The following AGPS variants were observed in gnomAD, a reference collection of about 807,000 sequenced individuals.
AGPS encodes the protein alkyldihydroxyacetonephosphate synthase, peroxisomal.
A neutral mutation model predicts 90.7 loss-of-function variants in AGPS; 26 were observed. The observed-to-expected ratio is 0.29, with a 90% CI of 0.21 to 0.40. AGPS has a LOEUF of 0.40. Among genes scored for constraint, AGPS ranks in the 10% least tolerant of loss-of-function variants. The pLI, the probability that AGPS is intolerant of heterozygous loss-of-function variation, is 1.00. For missense variants in AGPS, 540 were observed against 816.1 expected (o/e 0.66, Z 4.12); for synonymous variants, 294 against 285.3 (o/e 1.03, Z -0.31).
chr2:177,458,609 A>G (rs1687191409), intron 8 of AGPS, among the ~76,000 whole-genome samples: 1 of 152,186 alleles, frequency 6.6e-6, no homozygotes, highest in African/African-American at 2.4e-5. Flanking sequence ...TAGGAATCCA[A>G]CTTACAAGGG....
intron 16 of AGPS, among the ~76,000 whole-genome samples, chr2:177,511,096 TTTGTTG>T (rs575575386): frequency 6.6e-6 from 1 of 151,968 alleles, no homozygotes; most frequent in Non-Finnish European, 1.5e-5. Context: ...ATATACATTT[TTTGTTG>T]TTGTTGTTGT....
intron 2 of AGPS, among the ~76,000 whole-genome samples, chr2:177,426,574 C>T (rs1038416965): frequency 6.6e-6 from 1 of 152,046 alleles, no homozygotes; most frequent in African/African-American, 2.4e-5. Context: ...TCCTTCAATC[C>T]TTACTTTATT....
chr2:177,464,264 A>G (rs574991787), intron 9 of AGPS, among the ~76,000 whole-genome samples: 6 of 152,186 alleles, frequency 3.9e-5, no homozygotes, highest in African/African-American at 1.4e-4. Flanking sequence ...TTTAACTTAA[A>G]TTTTTAACTC....
chr2:177,444,787 A>AG (rs896421809), intron 7 of AGPS, among the ~76,000 whole-genome samples: 3 of 152,232 alleles, frequency 2.0e-5, no homozygotes, highest in Admixed American at 6.5e-5. Context: ...CCAGATAGAA[A>AG]GGGGAAAGAA....
At chr2:177,408,205 G>A (rs1240620269) in intron 1 of AGPS, among the ~76,000 whole-genome samples, 1 of 152,168 alleles carries the variant, frequency 6.6e-6, no homozygotes, top group Admixed American at 6.5e-5. Context: ...TCACACACAT[G>A]ATGTTTGGTC....
intron 1 of AGPS, chr2:177,393,471 C>T: frequency 1.0e-6 from 1 of 985,344 alleles, no homozygotes; most frequent in Non-Finnish European, 1.2e-6. Flanking sequence ...CTCTCTCATT[C>T]GCGAAAGCCT....
intron 9 of AGPS, among the ~76,000 whole-genome samples, chr2:177,464,496 T>A (rs1464451442): frequency 6.6e-6 from 1 of 152,242 alleles, no homozygotes; most frequent in Non-Finnish European, 1.5e-5. Context: ...TGAAGATAGT[T>A]GTTTAGTCCA....
chr2:177,501,440 G>A (rs1688558050), intron 14 of AGPS, among the ~76,000 whole-genome samples: 1 of 152,160 alleles, frequency 6.6e-6, no homozygotes, highest in Middle Eastern at 3.4e-3. Context: ...AATTTTTATA[G>A]GGCATGACCT....
intron 13 of AGPS, among the ~76,000 whole-genome samples, chr2:177,498,631 A>G (rs955809898): frequency 4.0e-5 from 6 of 151,514 alleles, no homozygotes; most frequent in Non-Finnish European, 8.9e-5. Flanking sequence ...GAGAATTTAA[A>G]AAAAAAAAAG....
intron 12 of AGPS, among the ~76,000 whole-genome samples, chr2:177,496,121 T>C (rs1018203703): frequency 1.3e-5 from 2 of 152,172 alleles, no homozygotes; most frequent in Non-Finnish European, 2.9e-5. Flanking sequence ...CACAGATGTA[T>C]GTGAGTAATT....
intron 10 of AGPS, among the ~76,000 whole-genome samples, chr2:177,481,734 G>GT (rs1687951921): frequency 6.6e-6 from 1 of 151,866 alleles, no homozygotes; most frequent in South Asian, 2.1e-4. Context: ...AGAATCCATT[G>GT]TTTTTCAATT....
intron 10 of AGPS, among the ~76,000 whole-genome samples, chr2:177,471,941 C>T (rs974736849): frequency 1.3e-5 from 2 of 151,734 alleles, no homozygotes; most frequent in Non-Finnish European, 2.9e-5. Flanking sequence ...CTCTTTTTGC[C>T]TGGAGGCCTT....
chr2:177,410,533 A>T lies in AGPS; in HGVS notation c.261-9736A>T, dbSNP rs1685590200. Among the ~76,000 whole-genome samples, 3 of 152,248 alleles carry T rather than the reference A, an allele frequency of 2.0e-5. No homozygotes were observed. In the South Asian group the frequency reaches 6.2e-4, roughly 32 times the overall value. On this transcript the variant is annotated intron_variant, in intron 1 of 19. Coordinates refer to ENST00000264167, the MANE Select transcript of AGPS (RefSeq NM_003659.4). ...CCTTTTGCTAGAATGTCTCTCCCTA[A>T]CAAAGGAGTGGGGCTTTCAAGCATA...
intron 1 of AGPS, among the ~76,000 whole-genome samples, chr2:177,400,511 T>C (rs1685303429): frequency 6.6e-6 from 1 of 152,220 alleles, no homozygotes; most frequent in Non-Finnish European, 1.5e-5. Context: ...GCTTACTCAT[T>C]GAAAAAAACT....
intron 1 of AGPS, among the ~76,000 whole-genome samples, chr2:177,409,990 A>G (rs1685573985): frequency 6.6e-6 from 1 of 152,194 alleles, no homozygotes. Context: ...GGGTGCTATC[A>G]ATGCCTAAAT....
chr2:177,462,410 A>AG (rs2105667159), intron 9 of AGPS, among the ~76,000 whole-genome samples: 1 of 150,470 alleles, frequency 6.6e-6, no homozygotes, highest in East Asian at 1.9e-4. Context: ...AAAAAAGAAA[A>AG]AAGAAAAAGA....
rs187346437 is a variant in AGPS, at chr2:177,408,203, A to G, written c.261-12066A>G. Among the ~76,000 whole-genome samples, 232 of 152,244 alleles carry G rather than the reference A, an allele frequency of 1.5e-3. 1 individual carries two copies. Among genetic ancestry groups the G allele is most frequent in the Non-Finnish European group, 2.7e-3 (184 of 67,992 alleles). ...TAGGCTGATTGTCAGTATCACACAC[A>G]TGATGTTTGGTCATTCTTGTGCTAT... On this transcript the variant is annotated intron_variant, in intron 1 of 19. Coordinates refer to ENST00000264167, the MANE Select transcript of AGPS (RefSeq NM_003659.4).
At chr2:177,518,978 C>G (rs896257291) in intron 17 of AGPS, among the ~76,000 whole-genome samples, 19 of 152,044 alleles carry the variant, frequency 1.2e-4, no homozygotes, top group Non-Finnish European at 1.9e-4. Flanking sequence ...GAAAGAAAAG[C>G]AGGTCTGTGG....
intron 12 of AGPS, among the ~76,000 whole-genome samples, chr2:177,494,716 T>C (rs116718411): frequency 1.4e-4 from 22 of 152,336 alleles, no homozygotes; most frequent in African/African-American, 5.0e-4. Context: ...TGTGGTATTA[T>C]AGGTTCTACC....
Sources: allele counts gnomAD v4.1 joint callset (sites outside exome capture counted in the v4.1 genomes callset), GRCh38; gene constraint gnomAD v4.1.1; transcripts MANE v1.5; gene names NCBI Gene and HGNC (gene_info 2026-07-23, HGNC 2026-07-21).